LRRC8C: variants seen among roughly 807,000 people sequenced by gnomAD.
LRRC8C encodes the protein leucine rich repeat containing 8 VRAC subunit C, also known as volume-regulated anion channel subunit LRRC8C.
In LRRC8C, 20 loss-of-function variants were observed where a neutral mutation model predicts 55.3. That is an observed-to-expected ratio of 0.36 (90% CI 0.25 to 0.53). The LOEUF is 0.53. LRRC8C is among the 20% of genes least tolerant of loss of function. LRRC8C has a pLI of 0.92. For synonymous variants in LRRC8C, 376 were observed against 360.7 expected, an observed-to-expected ratio of 1.04 and a Z score of -0.48; for missense variants, 659 against 951.4, an observed-to-expected ratio of 0.69 and a Z score of 4.04.
intron 2 of LRRC8C, among the ~76,000 whole-genome samples, chr1:89,703,230 A>G (rs1658381368): frequency 6.6e-6 from 1 of 152,226 alleles, no homozygotes; most frequent in African/African-American, 2.4e-5. Flanking sequence ...TAAATAACAC[A>G]AACTGACAGC....
chr1:89,711,517 G>A (rs1354426907), intron 2 of LRRC8C, among the ~76,000 whole-genome samples: 1 of 152,188 alleles, frequency 6.6e-6, no homozygotes, highest in Non-Finnish European at 1.5e-5. Context: ...TGTCATTGCT[G>A]AATACTCTTT....
At chr1:89,705,920 T>C (rs1165858362) in intron 2 of LRRC8C, among the ~76,000 whole-genome samples, 1 of 152,110 alleles carries the variant, frequency 6.6e-6, no homozygotes. Flanking sequence ...CAAAATTAGA[T>C]GCAAACAAGT....
At chr1:89,671,025 T>C (rs923730193) in intron 1 of LRRC8C, among the ~76,000 whole-genome samples, 9 of 152,172 alleles carry the variant, frequency 5.9e-5, no homozygotes, top group Admixed American at 2.0e-4. Flanking sequence ...TGTTTATAGA[T>C]CTGTTACTCA....
chr1:89,686,325 G>A, intron 1 of LRRC8C, 145 bp from the exon 2 acceptor site: 1 of 733,034 alleles, frequency 1.4e-6, no homozygotes, highest in African/African-American at 1.8e-5. Context: ...ATTTTATTCA[G>A]TGGCTCATCA....
intron 2 of LRRC8C, among the ~76,000 whole-genome samples, chr1:89,707,473 C>T (rs905038376): frequency 2.0e-5 from 3 of 152,072 alleles, no homozygotes; most frequent in Admixed American, 2.0e-4. Flanking sequence ...ATGCCCCCAG[C>T]AGGTTCCTGG....
intron 1 of LRRC8C, among the ~76,000 whole-genome samples, chr1:89,640,086 A>G (rs1185210499): frequency 6.6e-6 from 1 of 152,210 alleles, no homozygotes; most frequent in Non-Finnish European, 1.5e-5. Flanking sequence ...CTTTTTTGAG[A>G]TGGAATCTTG....
chr1:89,647,519 C>A (rs1156245644), intron 1 of LRRC8C, among the ~76,000 whole-genome samples: 1 of 152,066 alleles, frequency 6.6e-6, no homozygotes, highest in Non-Finnish European at 1.5e-5. Context: ...TACTAAAAAG[C>A]AGCACAAAAG....
chr1:89,651,500 G>A (rs577233643), intron 1 of LRRC8C, among the ~76,000 whole-genome samples: 1 of 148,334 alleles, frequency 6.7e-6, no homozygotes, highest in East Asian at 2.0e-4. Context: ...CCTGGGAGGT[G>A]GAGCTTACAG....
intron 1 of LRRC8C, among the ~76,000 whole-genome samples, chr1:89,651,105 T>G (rs565340860): frequency 2.6e-5 from 4 of 152,276 alleles, no homozygotes; most frequent in Admixed American, 2.6e-4. Flanking sequence ...TGACAATAAC[T>G]GTTTCTCTTG....
chr1:89,674,764 A>G (rs17130850), intron 1 of LRRC8C, among the ~76,000 whole-genome samples: 6,181 of 152,264 alleles, frequency 0.041, 385 homozygotes, highest in African/African-American at 0.14. Flanking sequence ...TTCTGCAATT[A>G]TCAAACTTTC....
intron 2 of LRRC8C, among the ~76,000 whole-genome samples, chr1:89,692,338 A>C (rs961916217): frequency 1.3e-5 from 2 of 152,232 alleles, no homozygotes; most frequent in African/African-American, 4.8e-5. Flanking sequence ...ACACTCTTTG[A>C]TGATAAAATA....
intron 1 of LRRC8C, among the ~76,000 whole-genome samples, chr1:89,640,941 C>T (rs1656439007): frequency 6.6e-6 from 1 of 152,112 alleles, no homozygotes; most frequent in South Asian, 2.1e-4. Flanking sequence ...CAATTAAATT[C>T]ATTTAAGGAA....
At chr1:89,620,638 A>T in the LRRC8C span, among the ~76,000 whole-genome samples, 1 of 152,112 alleles carries the variant, frequency 6.6e-6, no homozygotes, top group African/African-American at 2.4e-5. Context: ...TTCAGTCATC[A>T]TATATGTTAT....
Position 89,684,755 on chromosome 1 carries a change from G to T in LRRC8C, c.-4-1715G>T, listed in dbSNP as rs189139373. 9.2e-5 allele frequency among the ~76,000 whole-genome samples: 14 copies of T among 152,324 alleles called. No individual in the cohort carries two copies. In the East Asian group the frequency reaches 2.7e-3, roughly 29 times the overall value. ...TATTGAGCTTTTGTGCAGTTTGCCT[G>T]CAATACATGTTTTAAGGAGACACAT... On this transcript the variant is annotated intron_variant, in intron 1 of 2. Transcript: ENST00000370454.
intron 1 of LRRC8C, among the ~76,000 whole-genome samples, chr1:89,655,001 C>G (rs1364807520): frequency 6.6e-6 from 1 of 151,584 alleles, no homozygotes; most frequent in African/African-American, 2.4e-5. Flanking sequence ...AGCCACCATG[C>G]CCAGCTAGTC....
the LRRC8C span, among the ~76,000 whole-genome samples, chr1:89,617,478 C>A: frequency 3.3e-5 from 5 of 152,200 alleles, no homozygotes; most frequent in Non-Finnish European, 7.3e-5. Context: ...GCAGTTTAAT[C>A]ATTTTGTGGT....
At chr1:89,673,342 C>T (rs1657472069) in intron 1 of LRRC8C, among the ~76,000 whole-genome samples, 1 of 152,156 alleles carries the variant, frequency 6.6e-6, no homozygotes, top group South Asian at 2.1e-4. Flanking sequence ...CAAGTTGATA[C>T]ATTACTAGAC....
chr1:89,652,012 A>G (rs961218524), intron 1 of LRRC8C, among the ~76,000 whole-genome samples: 54 of 152,202 alleles, frequency 3.5e-4, no homozygotes, highest in African/African-American at 1.2e-3. Context: ...GTTGTAAGTA[A>G]TATCACACAA....
intron 2 of LRRC8C, among the ~76,000 whole-genome samples, chr1:89,703,809 G>A (rs1024362350): frequency 6.6e-6 from 1 of 151,970 alleles, no homozygotes; most frequent in Non-Finnish European, 1.5e-5. Context: ...GCAGGAAGGA[G>A]AAGGGAAAAG....
Sources: gnomAD v4.1 joint callset for allele counts (sites outside exome capture counted in the v4.1 genomes callset) on GRCh38, gnomAD v4.1.1 for gene constraint, MANE v1.5 for transcripts, NCBI Gene and HGNC (gene_info 2026-07-23, HGNC 2026-07-21) for gene names.